UTRN: variants seen among roughly 807,000 people sequenced by gnomAD.
UTRN encodes the protein dystrophin-related protein 1.
In UTRN, 283 loss-of-function variants were observed where a neutral mutation model predicts 463.9. The ratio of observed to expected loss-of-function variants is 0.61; its 90% CI spans 0.55 to 0.67. The LOEUF (loss-of-function observed/expected upper bound fraction) is 0.67, where lower values mean the gene tolerates loss of function less well. Ranked by LOEUF, UTRN falls within the 30% of genes least tolerant of loss-of-function variation. UTRN has a pLI of 0.00. For missense variants in UTRN, 3,922 were observed against 4,084.3 expected (o/e 0.96, Z 1.08); for synonymous variants, 1,442 against 1,431.5 (o/e 1.01, Z -0.17).
chr6:144,587,696 C>T (rs1802605131), intron 51 of UTRN, among the ~76,000 whole-genome samples: 2 of 152,036 alleles, frequency 1.3e-5, no homozygotes, highest in South Asian at 2.1e-4. Flanking sequence ...CCCTGCTCTC[C>T]TTGGACAATT....
intron 50 of UTRN, among the ~76,000 whole-genome samples, chr6:144,573,194 C>T (rs573849041): frequency 2.0e-4 from 31 of 152,216 alleles, no homozygotes; most frequent in African/African-American, 7.0e-4. Context: ...ATATCCTTCG[C>T]CTACTTTTTG....
chr6:144,512,010 G>A (rs570089894), intron 35 of UTRN, among the ~76,000 whole-genome samples: 1 of 152,000 alleles, frequency 6.6e-6, no homozygotes, highest in Non-Finnish European at 1.5e-5. Context: ...AATTCCTCAG[G>A]ATGTGTAGGG....
intron 54 of UTRN, among the ~76,000 whole-genome samples, chr6:144,733,245 G>A (rs1163657346): frequency 1.3e-5 from 2 of 152,258 alleles, no homozygotes; most frequent in African/African-American, 4.8e-5. Context: ...TTGGCCGGAC[G>A]CGGTGGCTTA....
intron 58 of UTRN, among the ~76,000 whole-genome samples, chr6:144,760,200 A>C (rs1321317147): frequency 6.6e-6 from 1 of 152,062 alleles, no homozygotes; most frequent in Non-Finnish European, 1.5e-5. Flanking sequence ...TTTTGGAAGG[A>C]TCTGGTAGGA....
intron 51 of UTRN, among the ~76,000 whole-genome samples, chr6:144,645,513 C>G (rs951970915): frequency 2.0e-5 from 3 of 152,040 alleles, no homozygotes; most frequent in African/African-American, 7.2e-5. Context: ...ATAGGATTCA[C>G]GTCATAAAAC....
intron 51 of UTRN, among the ~76,000 whole-genome samples, chr6:144,581,463 C>T (rs1239601827): frequency 6.6e-6 from 1 of 152,060 alleles, no homozygotes; most frequent in Admixed American, 6.6e-5. Context: ...TAATAATTTA[C>T]GTTTTAGGAT....
intron 9 of UTRN, among the ~76,000 whole-genome samples, chr6:144,432,521 G>A (rs1785963406): frequency 6.6e-6 from 1 of 152,164 alleles, no homozygotes; most frequent in Non-Finnish European, 1.5e-5. Context: ...AGATCATTCT[G>A]GCTGCTGTGT....
intron 53 of UTRN, among the ~76,000 whole-genome samples, chr6:144,718,180 A>G (rs1477188959): frequency 6.6e-6 from 1 of 152,180 alleles, no homozygotes; most frequent in African/African-American, 2.4e-5. Flanking sequence ...CATGATTTTA[A>G]TAGTAATGGG....
chr6:144,731,452 T>C (rs1788506025), intron 54 of UTRN, among the ~76,000 whole-genome samples: 1 of 152,254 alleles, frequency 6.6e-6, no homozygotes, highest in Non-Finnish European at 1.5e-5. Context: ...ACCTGAAAGA[T>C]TGCCTCATGC....
chr6:144,328,381 A>G (rs1363244620), intron 2 of UTRN, among the ~76,000 whole-genome samples: 1 of 152,202 alleles, frequency 6.6e-6, no homozygotes, highest in Non-Finnish European at 1.5e-5. Context: ...TTAAGCTTCC[A>G]GGTGTTACCA....
chr6:144,635,472 C>T (rs1407862204), intron 51 of UTRN, among the ~76,000 whole-genome samples: 1 of 143,538 alleles, frequency 7.0e-6, no homozygotes, highest in South Asian at 2.3e-4. Context: ...TTTCTGAATT[C>T]ATAGACTTCT....
intron 6 of UTRN, among the ~76,000 whole-genome samples, chr6:144,424,299 C>A (rs1785104279): frequency 6.6e-6 from 1 of 152,186 alleles, no homozygotes; most frequent in African/African-American, 2.4e-5. Context: ...GCCTTGCCCC[C>A]AAATTCTGGT....
At chr6:144,755,886 T>A (rs189460883) in intron 57 of UTRN, among the ~76,000 whole-genome samples, 125 of 152,262 alleles carry the variant, frequency 8.2e-4, no homozygotes, top group African/African-American at 2.9e-3. Context: ...CAGTTAAAGG[T>A]TGGGCTTTTC....
chr6:144,542,823 A>T lies in UTRN; in HGVS notation c.6548A>T (p.Lys2183Met), dbSNP rs775143508. The T allele has an allele frequency of 6.2e-7, 1 of 1,613,834 alleles. No homozygotes were observed. Among genetic ancestry groups the T allele is most frequent in the East Asian group, 2.2e-5 (1 of 44,848 alleles). The change falls in exon 46 of 75, where the codon AAG becomes ATG. Residue 2183 changes from lysine to methionine, a missense_variant. Lys to Met is a moderately conservative substitution (Grantham distance 95). This residue lies in a region of UTRN where 2,349 missense variants were observed against 2,303.8 expected (regional missense o/e 1.02). Transcript: ENST00000367545. ...KICREVPTTL[K>M]ECIQEPSSVS... Reference sequence around the variant, plus strand: ...TGCAGAGAGGTGCCTACCACCCTGAAGGAATGCATCCAGGAGCCCAGTTCT... The same window carrying T: ...TGCAGAGAGGTGCCTACCACCCTGATGGAATGCATCCAGGAGCCCAGTTCT...
chr6:144,851,084 G>T lies in UTRN; in HGVS notation c.*87G>T. 6.4e-7 allele frequency: 1 copy of T among 1,563,752 alleles called. No homozygotes were observed. Among genetic ancestry groups the T allele is most frequent in the Non-Finnish European group, 8.8e-7 (1 of 1,134,486 alleles). On this transcript the variant is annotated 3_prime_UTR_variant, in exon 75 of 75. Transcript: ENST00000367545. ...AATTCCAAGTTCCATTAAATCAGAA[G>T]CTCCATGGCTCCTTGGCCCACGATG...
At chr6:144,839,931 T>G (rs962967117) in intron 72 of UTRN, among the ~76,000 whole-genome samples, 2 of 152,202 alleles carry the variant, frequency 1.3e-5, no homozygotes, top group Non-Finnish European at 2.9e-5. Flanking sequence ...TTTTGGTACA[T>G]TAACCAGAAA....
At chr6:144,698,483 G>T (rs150135005) in intron 52 of UTRN, among the ~76,000 whole-genome samples, 1 of 152,248 alleles carries the variant, frequency 6.6e-6, no homozygotes, top group Non-Finnish European at 1.5e-5. Context: ...AAAGGCAGAC[G>T]TGTGCCTTGT....
chr6:144,422,711 CTA>C (rs1270000743), intron 4 of UTRN, among the ~76,000 whole-genome samples: 26 of 152,014 alleles, frequency 1.7e-4, no homozygotes, highest in African/African-American at 5.3e-4. Flanking sequence ...AAATACAACT[CTA>C]TTATTTTATG....
chr6:144,646,578 A>AT (rs1047368165), intron 51 of UTRN, among the ~76,000 whole-genome samples: 1 of 152,106 alleles, frequency 6.6e-6, no homozygotes, highest in Admixed American at 6.6e-5. Context: ...TCCTTGAGGC[A>AT]TTTTTTCACT....
Sources: gnomAD v4.1 joint callset for allele counts (sites outside exome capture counted in the v4.1 genomes callset) on GRCh38, gnomAD v4.1.1 for gene constraint, gnomAD v4.1.1 regional missense constraint, MANE v1.5 for transcripts, NCBI Gene and HGNC (gene_info 2026-07-23, HGNC 2026-07-21) for gene names.